The following DSCAM variants were observed in gnomAD, a reference collection of about 807,000 sequenced individuals.
DSCAM encodes the protein cell adhesion molecule DSCAM.
In DSCAM, 47 loss-of-function variants were observed where a neutral mutation model predicts 217.7. The observed-to-expected ratio is 0.22, with a 90% CI of 0.17 to 0.28. The LOEUF is 0.28. Among genes scored for constraint, DSCAM ranks in the 10% least tolerant of loss-of-function variants. The pLI, the probability that DSCAM is intolerant of heterozygous loss-of-function variation, is 1.00. For synonymous variants in DSCAM, 1,056 were observed against 1,015.3 expected (o/e 1.04, Z -0.76); for missense variants, 2,080 against 2,618.3 (o/e 0.79, Z 4.49).
intron 14 of DSCAM, among the ~76,000 whole-genome samples, chr21:40,184,569 C>T (rs1037992103): frequency 1.3e-5 from 2 of 152,180 alleles, no homozygotes; most frequent in African/African-American, 2.4e-5. Context: ...CCCTCAATCC[C>T]GCCTGTACTC....
At chr21:40,843,790 C>CTTTTTT (rs56383167) in intron 1 of DSCAM, among the ~76,000 whole-genome samples, 1 of 118,986 alleles carries the variant, frequency 8.4e-6, no homozygotes. Context: ...CTGACTTCTT[C>CTTTTTT]TTTTTTTTTT....
At chr21:40,300,975 C>T (rs1192554669) in intron 9 of DSCAM, among the ~76,000 whole-genome samples, 1 of 152,190 alleles carries the variant, frequency 6.6e-6, no homozygotes, top group Non-Finnish European at 1.5e-5. Context: ...CAGCAACCAG[C>T]TCATTAAAGC....
chr21:40,480,172 G>C (rs979248031), intron 3 of DSCAM, among the ~76,000 whole-genome samples: 5 of 152,164 alleles, frequency 3.3e-5, no homozygotes, highest in African/African-American at 9.7e-5. Context: ...GGCTGCTCCA[G>C]CCTCACAGCC....
At chr21:40,299,924 C>T (rs1028516964) in intron 9 of DSCAM, among the ~76,000 whole-genome samples, 9 of 152,154 alleles carry the variant, frequency 5.9e-5, no homozygotes, top group Non-Finnish European at 1.5e-5. Flanking sequence ...GGAGCCCCCA[C>T]AAGGAGTCAC....
intron 3 of DSCAM, among the ~76,000 whole-genome samples, chr21:40,627,681 T>C (rs557388418): frequency 2.6e-5 from 4 of 152,344 alleles, no homozygotes; most frequent in Admixed American, 2.6e-4. Flanking sequence ...CACTTGCACT[T>C]ACTTAAACTC....
At chr21:40,632,732 T>C (rs377108281) in intron 3 of DSCAM, among the ~76,000 whole-genome samples, 35 of 152,274 alleles carry the variant, frequency 2.3e-4, no homozygotes, top group African/African-American at 8.2e-4. Context: ...CATTCCACGT[T>C]GATTGACAAG....
intron 3 of DSCAM, among the ~76,000 whole-genome samples, chr21:40,567,854 T>G (rs1442167932): frequency 6.6e-6 from 1 of 152,220 alleles, no homozygotes; most frequent in African/African-American, 2.4e-5. Flanking sequence ...TTCAAAAACA[T>G]TAAAATTCAG....
intron 16 of DSCAM, among the ~76,000 whole-genome samples, chr21:40,163,283 A>G (rs2090560564): frequency 6.6e-6 from 1 of 152,212 alleles, no homozygotes; most frequent in Non-Finnish European, 1.5e-5. Context: ...TAGTTGTACA[A>G]TGTTCAGGTA....
At chr21:40,402,365 G>C (rs1030768689) in intron 3 of DSCAM, among the ~76,000 whole-genome samples, 2 of 151,702 alleles carry the variant, frequency 1.3e-5, no homozygotes, top group Non-Finnish European at 2.9e-5. Context: ...CACCACGCCC[G>C]GCTAAAATAT....
intron 20 of DSCAM, among the ~76,000 whole-genome samples, chr21:40,105,204 T>C (rs577435367): frequency 4.6e-5 from 7 of 152,308 alleles, no homozygotes; most frequent in South Asian, 4.1e-4. Context: ...TTACCAGTTA[T>C]AGCAATTGAA....
chr21:40,028,752 A>G (rs2088452343), intron 32 of DSCAM, among the ~76,000 whole-genome samples: 1 of 152,142 alleles, frequency 6.6e-6, no homozygotes, highest in Non-Finnish European at 1.5e-5. Flanking sequence ...CCCTAGTGAG[A>G]TGAACCCGGT....
intron 3 of DSCAM, among the ~76,000 whole-genome samples, chr21:40,611,437 T>C (rs2089313868): frequency 6.6e-6 from 1 of 152,154 alleles, no homozygotes; most frequent in Non-Finnish European, 1.5e-5. Context: ...TCATATGAAA[T>C]ATCAATGAGA....
At chr21:40,662,488 G>A (rs756529480) in intron 3 of DSCAM, among the ~76,000 whole-genome samples, 1 of 152,186 alleles carries the variant, frequency 6.6e-6, no homozygotes, top group Non-Finnish European at 1.5e-5. Context: ...CAACAAGCAT[G>A]CATTGAACAG....
At chr21:40,256,782 C>G (rs1006903365) in intron 11 of DSCAM, among the ~76,000 whole-genome samples, 1 of 152,186 alleles carries the variant, frequency 6.6e-6, no homozygotes, top group East Asian at 1.9e-4. Context: ...CATCTGAGTA[C>G]CATGCCTAGC....
At chr21:40,381,992 A>C (rs947081706) in intron 3 of DSCAM, among the ~76,000 whole-genome samples, 3 of 152,156 alleles carry the variant, frequency 2.0e-5, no homozygotes, top group African/African-American at 7.2e-5. Context: ...TCTAAGATAA[A>C]ATGTCTTTAT....
At chr21:40,593,159 C>G (rs1378421076) in intron 3 of DSCAM, among the ~76,000 whole-genome samples, 1 of 151,918 alleles carries the variant, frequency 6.6e-6, no homozygotes, top group Non-Finnish European at 1.5e-5. Flanking sequence ...ATTGGAACTT[C>G]ACAAAAAAGG....
At position 40,415,166 on chromosome 21, in the gene DSCAM, C is replaced by T. The variant is rs750022691; in HGVS notation, c.509-45921G>A. Among the ~76,000 whole-genome samples the T allele has an allele frequency of 5.7e-4, 86 of 152,204 alleles. 2 individuals carry two copies. Among genetic ancestry groups the T allele is most frequent in the South Asian group, 1.9e-3 (9 of 4,826 alleles). ...TATCAAATTAAAGATTATCATCAAA[C>T]GAGCCTGATTTTTTCTAACAAAGCT... On this transcript the variant is annotated intron_variant, in intron 3 of 32. Transcript: ENST00000400454.
chr21:40,508,326 C>T (rs1601700674), intron 3 of DSCAM, among the ~76,000 whole-genome samples: 1 of 152,072 alleles, frequency 6.6e-6, no homozygotes, highest in Non-Finnish European at 1.5e-5. Context: ...CCACACTGCA[C>T]CCACACTTTA....
intron 9 of DSCAM, among the ~76,000 whole-genome samples, chr21:40,305,389 C>CATAAA (rs766752825): frequency 2.1e-3 from 145 of 68,554 alleles, no homozygotes; most frequent in African/African-American, 5.8e-3. Flanking sequence ...GATCCCGTCT[C>CATAAA]AAAAAAAAAA....
Sources: allele counts gnomAD v4.1 joint callset (sites outside exome capture counted in the v4.1 genomes callset), GRCh38; gene constraint gnomAD v4.1.1; transcripts MANE v1.5; gene names NCBI Gene and HGNC (gene_info 2026-07-23, HGNC 2026-07-21).